Variants in TP63 observed in about 807,000 individuals in gnomAD.
TP63 encodes the protein tumor protein 63.
In TP63, 17 loss-of-function variants were observed where a neutral mutation model predicts 82.8. The observed-to-expected ratio is 0.21, with a 90% CI of 0.14 to 0.31. The LOEUF is 0.31. Among genes scored for constraint, TP63 ranks in the 10% least tolerant of loss-of-function variants. The pLI is 1.00. For missense variants in TP63, 648 were observed against 895.3 expected, an observed-to-expected ratio of 0.72 and a Z score of 3.52; for synonymous variants, 330 against 321.7, an observed-to-expected ratio of 1.03 and a Z score of -0.28.
chr3:189,682,518 G>T (rs1438453948), intron 1 of TP63, among the ~76,000 whole-genome samples: 1 of 130,448 alleles, frequency 7.7e-6, no homozygotes, highest in East Asian at 2.3e-4. Context: ...TTTCATTCCT[G>T]GGACTTGGTC....
chr3:189,674,985 T>G (rs921834542), intron 1 of TP63, among the ~76,000 whole-genome samples: 5 of 152,170 alleles, frequency 3.3e-5, no homozygotes, highest in Admixed American at 6.6e-5. Flanking sequence ...TTTCAGGCTG[T>G]GATAACAAAT....
intron 1 of TP63, among the ~76,000 whole-genome samples, chr3:189,646,766 G>A (rs1485013009): frequency 1.4e-5 from 2 of 147,126 alleles, no homozygotes; most frequent in African/African-American, 2.5e-5. Flanking sequence ...ATAAAAGTGA[G>A]AAAAGCAAAT....
At chr3:189,680,334 T>C (rs1311318517) in intron 1 of TP63, among the ~76,000 whole-genome samples, 1 of 152,074 alleles carries the variant, frequency 6.6e-6, no homozygotes, top group Non-Finnish European at 1.5e-5. Context: ...TGTTCTTAAG[T>C]ATTTTATTTT....
At chr3:189,748,548 A>T (rs1335698755) in intron 3 of TP63, among the ~76,000 whole-genome samples, 57 of 151,658 alleles carry the variant, frequency 3.8e-4, no homozygotes, top group Non-Finnish European at 7.8e-4. Context: ...GGGGACAGAA[A>T]AAAAATGAAA....
At chr3:189,811,063 C>A (rs4687094) in intron 4 of TP63, among the ~76,000 whole-genome samples, 87,677 of 151,730 alleles carry the variant, frequency 0.58, 26,056 homozygotes, top group Admixed American at 0.67. Flanking sequence ...AGTGCCCTGA[C>A]AAAAGGGATA....
At chr3:189,835,148 A>T (rs1192383240) in intron 4 of TP63, among the ~76,000 whole-genome samples, 1 of 152,146 alleles carries the variant, frequency 6.6e-6, no homozygotes, top group African/African-American at 2.4e-5. Flanking sequence ...GAGTTTCAGG[A>T]TTAAAATCTT....
intron 1 of TP63, among the ~76,000 whole-genome samples, chr3:189,633,835 A>G (rs1049116473): frequency 6.6e-6 from 1 of 152,176 alleles, no homozygotes; most frequent in Non-Finnish European, 1.5e-5. Flanking sequence ...TGCTCTGCGG[A>G]AGACATTGCA....
intron 1 of TP63, among the ~76,000 whole-genome samples, chr3:189,717,385 G>T (rs766095298): frequency 3.9e-5 from 6 of 152,212 alleles, no homozygotes; most frequent in Non-Finnish European, 5.9e-5. Context: ...GCTTGAGAGA[G>T]TGTGTCATGT....
Position 189,864,394 on chromosome 3 carries a change from G to A in TP63, c.742G>A (p.Glu248Lys). 2.5e-6 allele frequency: 4 copies of A among 1,613,644 alleles called. No homozygotes were observed. Among genetic ancestry groups the A allele is most frequent in the Non-Finnish European group, 3.4e-6 (4 of 1,179,656 alleles). Residue 248 changes from glutamate (E) to lysine (K), a missense_variant, in exon 5 of 14, where the codon GAG becomes AAG. By Grantham distance (56) the Glu-to-Lys change is moderately conservative (BLOSUM62 1). Coordinates refer to ENST00000264731, the MANE Select transcript of TP63 (RefSeq NM_003722.5). ...TEVVKRCPNH[E>K]LSREFNEGQI... Reference sequence around the variant, plus strand: ...GGTGGTGAAGCGGTGCCCCAACCATGAGCTGAGCCGTGAATTCAACGAGGG... The same window carrying A: ...GGTGGTGAAGCGGTGCCCCAACCATAAGCTGAGCCGTGAATTCAACGAGGG...
intron 3 of TP63, among the ~76,000 whole-genome samples, chr3:189,761,097 T>A (rs1722532121): frequency 6.6e-6 from 1 of 152,190 alleles, no homozygotes. Context: ...AGGCCTGTGA[T>A]GGGAGAGGTT....
At chr3:189,635,285 G>T (rs915790644) in intron 1 of TP63, among the ~76,000 whole-genome samples, 5 of 152,068 alleles carry the variant, frequency 3.3e-5, no homozygotes, top group African/African-American at 1.2e-4. Context: ...TTTATTAGCT[G>T]TACTTTCTAA....
intron 3 of TP63, among the ~76,000 whole-genome samples, chr3:189,757,567 A>T (rs978369089): frequency 3.9e-5 from 6 of 152,238 alleles, no homozygotes; most frequent in Non-Finnish European, 5.9e-5. Flanking sequence ...ATTTGGAAAC[A>T]GTGAATTATT....
Position 189,866,676 on chromosome 3 carries a change from C to G in TP63, c.767-6C>G. The G allele has an allele frequency of 6.2e-7, 1 of 1,612,742 alleles. No individual in the cohort carries two copies. The highest frequency in any genetic ancestry group is 8.5e-7 in the Non-Finnish European group (1 of 1,178,854). ...ACTAACTCTTTTATTGTTTTCTGCTCTGCAGGACAGATTGCCCCTCCTAGT... is the reference window on the plus strand; with the variant it reads ...ACTAACTCTTTTATTGTTTTCTGCTGTGCAGGACAGATTGCCCCTCCTAGT... On this transcript the variant is annotated splice_region_variant and splice_polypyrimidine_tract_variant and intron_variant, in intron 5 of 13. Transcript: ENST00000264731.
At chr3:189,786,442 C>T (rs958127446) in intron 3 of TP63, among the ~76,000 whole-genome samples, 2 of 113,162 alleles carry the variant, frequency 1.8e-5, no homozygotes, top group Admixed American at 1.1e-4. Context: ...ACCAGACATA[C>T]CTAAACACAC....
chr3:189,880,065 C>A, intron 10 of TP63: 2 of 1,613,694 alleles, frequency 1.2e-6, no homozygotes, highest in Non-Finnish European at 1.7e-6. Context: ...TCTCTGCAGT[C>A]TCCTTTCAGC....
intron 1 of TP63, among the ~76,000 whole-genome samples, chr3:189,672,815 A>G (rs1401086136): frequency 6.6e-6 from 1 of 152,136 alleles, no homozygotes; most frequent in Non-Finnish European, 1.5e-5. Context: ...AACAAAGCCA[A>G]CAATTGGTTT....
chr3:189,670,889 A>G (rs1222129838), intron 1 of TP63, among the ~76,000 whole-genome samples: 1 of 152,096 alleles, frequency 6.6e-6, no homozygotes, highest in Admixed American at 6.6e-5. Flanking sequence ...TCAACTCAAA[A>G]TGAATGAAAA....
At chr3:189,716,589 A>G (rs183912722) in intron 1 of TP63, among the ~76,000 whole-genome samples, 31 of 152,322 alleles carry the variant, frequency 2.0e-4, no homozygotes, top group Non-Finnish European at 4.1e-4. Context: ...CAAGAAATCC[A>G]TAGTTCTTAC....
chr3:189,748,067 A>G (rs1302349367), intron 3 of TP63, among the ~76,000 whole-genome samples: 1 of 152,056 alleles, frequency 6.6e-6, no homozygotes, highest in East Asian at 1.9e-4. Flanking sequence ...TGATGGCTAT[A>G]TATGACTAAT....
Sources: gnomAD v4.1 joint callset for allele counts (sites outside exome capture counted in the v4.1 genomes callset) on GRCh38, gnomAD v4.1.1 for gene constraint, MANE v1.5 for transcripts, NCBI Gene and HGNC (gene_info 2026-07-23, HGNC 2026-07-21) for gene names.